FSIP2: variants seen among roughly 807,000 people sequenced by gnomAD.
FSIP2 encodes fibrous sheath interacting protein 2, also known as fibrous sheath-interacting protein 2.
In FSIP2, 367 loss-of-function variants were observed where a neutral mutation model predicts 510.5. The observed-to-expected ratio is 0.72, with a 90% CI of 0.66 to 0.78. FSIP2 has a LOEUF of 0.78. FSIP2 is among the 30% of genes least tolerant of loss of function. The pLI, the probability that FSIP2 is intolerant of heterozygous loss-of-function variation, is 0.00. For missense variants in FSIP2, 7,594 were observed against 7,901.7 expected, an observed-to-expected ratio of 0.96 and a Z score of 1.48; for synonymous variants, 2,601 against 2,732.2, an observed-to-expected ratio of 0.95 and a Z score of 1.50.
In FSIP2 at chr2:185,802,986, A is replaced by T; in HGVS notation, c.13680A>T (p.Ser4560=). Residue 4560 remains serine (S), a synonymous_variant, in exon 17 of 23, where the codon TCA becomes TCT. Coordinates refer to ENST00000424728, the MANE Select transcript of FSIP2 (RefSeq NM_173651.4). ...NVVQTSGSQE[S]AVQNITSSND... ...TGCAAACCTCTGGTTCTCAAGAATC[A>T]GCTGTGCAAAATATCACAAGCAGTA... 2.0e-6 allele frequency: 3 copies of T among 1,531,260 alleles called. No individual in the cohort carries two copies. The highest frequency in any genetic ancestry group is 1.7e-6 in the Non-Finnish European group (2 of 1,144,352). The allele number at this position is 1,531,260 out of a possible 1,614,324, so 94.9% of individuals were successfully genotyped here. A position where few individuals can be genotyped will look rare whatever the true frequency, so the allele number is the denominator to read the frequency against.
Position 185,808,377 on chromosome 2 carries a change from T to G in FSIP2, c.19071T>G (p.Ala6357=). Residue 6357 remains alanine (A), a synonymous_variant, in exon 17 of 23, where the codon GCT becomes GCG. Transcript: ENST00000424728. ...AAGAGGTGTTGGCCTTGTTCTTGGC[T>G]AAACTAATAAGGTTGCCAAGTTCCT... ...LLEEVLALFL[A]KLIRLPSSSS... 6.2e-7 allele frequency: 1 copy of G among 1,611,290 alleles called. No individual in the cohort carries two copies.
At chr2:185,759,476 T>A (rs1692306626) in intron 9 of FSIP2, among the ~76,000 whole-genome samples, 3 of 144,468 alleles carry the variant, frequency 2.1e-5, no homozygotes, top group Non-Finnish European at 3.0e-5. Flanking sequence ...CAGAAATATA[T>A]ATTCACATAT....
At chr2:185,810,627 G>A (rs1693707756) in intron 17 of FSIP2, among the ~76,000 whole-genome samples, 1 of 148,090 alleles carries the variant, frequency 6.8e-6, no homozygotes, top group African/African-American at 2.5e-5. Flanking sequence ...ACAGAAAATT[G>A]GTACCAAGGA....
In FSIP2 at chr2:185,808,543, G is replaced by C; in HGVS notation, c.19237G>C (p.Glu6413Gln). The change falls in exon 17 of 23, where the codon GAA becomes CAA. Residue 6413 changes from glutamate to glutamine, a missense_variant. Coordinates refer to ENST00000424728, the MANE Select transcript of FSIP2 (RefSeq NM_173651.4). Reference protein sequence around the residue: ...SDPEEHCLNPENTERIYQVVD... With the variant: ...SDPEEHCLNPQNTERIYQVVD... The stretch of plus-strand genomic sequence containing the variant: ...TCCTGAAGAGCACTGTTTAAATCCA[G>C]AAAATACAGAAAGGATTTATCAGGT... 1 of 1,612,466 alleles carries C rather than the reference G, an allele frequency of 6.2e-7. No homozygotes were observed. The highest frequency in any genetic ancestry group is 8.5e-7 in the Non-Finnish European group (1 of 1,179,298).
chr2:185,814,549 A>G (rs774225674), intron 18 of FSIP2, among the ~76,000 whole-genome samples: 14 of 152,020 alleles, frequency 9.2e-5, no homozygotes, highest in Non-Finnish European at 1.9e-4. Flanking sequence ...TAATTCATAT[A>G]TTTTAAATAT....
At chr2:185,825,210 GA>G in intron 20 of FSIP2, among the ~76,000 whole-genome samples, 1 of 151,904 alleles carries the variant, frequency 6.6e-6, no homozygotes, top group Non-Finnish European at 1.5e-5. Flanking sequence ...AAGTATGCCA[GA>G]ATTCTGTGAA....
intron 19 of FSIP2, among the ~76,000 whole-genome samples, chr2:185,820,072 A>G (rs1302240019): frequency 1.3e-5 from 2 of 151,930 alleles, no homozygotes; most frequent in East Asian, 1.9e-4. Flanking sequence ...TGGTTTGGCT[A>G]TGTCCCCACC....
At position 185,807,911 on chromosome 2, in the gene FSIP2, C is replaced by G; in HGVS notation, c.18605C>G (p.Thr6202Arg). ...TTTCCAAAAGTACATAAAGAAAGAA[C>G]AAAATCTCTAGAGACTGATATGCAA... Reference protein sequence around the residue: ...SIFPKVHKERTKSLETDMQKI... With the variant: ...SIFPKVHKERRKSLETDMQKI... The change falls in exon 17 of 23, where the codon ACA becomes AGA. Residue 6202 changes from threonine (T) to arginine (R), a missense_variant. Coordinates refer to ENST00000424728, the MANE Select transcript of FSIP2 (RefSeq NM_173651.4). The G allele has an allele frequency of 6.2e-7, 1 of 1,601,420 alleles. No individual in the cohort carries two copies. The highest frequency in any genetic ancestry group is 1.1e-5 in the South Asian group (1 of 88,496).
intron 7 of FSIP2, among the ~76,000 whole-genome samples, chr2:185,753,292 G>C (rs1290791057): frequency 6.6e-6 from 1 of 151,200 alleles, no homozygotes; most frequent in Non-Finnish European, 1.5e-5. Flanking sequence ...GATTTATCTT[G>C]TTTCTAGTGC....
rs1693476756 is a variant in FSIP2 at position 185,803,045 on chromosome 2, T to A, written c.13739T>A (p.Ile4580Asn). 2 of 1,521,004 alleles carry A rather than the reference T, an allele frequency of 1.3e-6. No individual in the cohort carries two copies. 94.2% of individuals were successfully genotyped at this position (1,521,004 alleles called of 1,614,324 possible). A position where few individuals can be genotyped will look rare whatever the true frequency, so the allele number is the denominator to read the frequency against. Residue 4580 changes from isoleucine (I) to asparagine (N), a missense_variant, in exon 17 of 23, where the codon ATC becomes AAC. Transcript: ENST00000424728. ...DILIDRIAGF[I>N]IKHICQKHLQ... ...CTTATAGATAGAATAGCAGGTTTCATCATTAAACATATCTGTCAAAAACAT... is the reference window on the plus strand; with the variant it reads ...CTTATAGATAGAATAGCAGGTTTCAACATTAAACATATCTGTCAAAAACAT...
Position 185,802,046 on chromosome 2 carries a change from C to A in FSIP2, c.12740C>A (p.Ala4247Asp). Reference sequence around the variant, plus strand: ...AGCCCAATTATGATTGACCAAATAGCCAGCTTTATCATCCAAGAGATTATC... The same window carrying A: ...AGCCCAATTATGATTGACCAAATAGACAGCTTTATCATCCAAGAGATTATC... ...SRSPIMIDQIASFIIQEIIEN... is the reference protein window; with the variant it reads ...SRSPIMIDQIDSFIIQEIIEN... The change falls in exon 17 of 23, where the codon GCC (alanine) becomes GAC (aspartate). Residue 4247 changes from alanine to aspartate, a missense_variant. Ala to Asp is a moderately radical substitution (Grantham distance 126). Transcript: ENST00000424728. 6.5e-7 allele frequency: 1 copy of A among 1,531,914 alleles called. No individual in the cohort carries two copies. The highest frequency in any genetic ancestry group is 8.7e-7 in the Non-Finnish European group (1 of 1,144,716). 94.9% of individuals were successfully genotyped at this position (1,531,914 alleles called of 1,614,324 possible). A position where few individuals can be genotyped will look rare whatever the true frequency, so the allele number is the denominator to read the frequency against.
chr2:185,758,599 A>G (rs1253733761), intron 9 of FSIP2, among the ~76,000 whole-genome samples: 1 of 151,134 alleles, frequency 6.6e-6, no homozygotes, highest in East Asian at 1.9e-4. Flanking sequence ...CATTGTCTTC[A>G]TGTTGTAACA....
rs1274988263 is a variant in FSIP2, at chr2:185,791,023, C to A, written c.3887C>A (p.Ala1296Asp). ...SLRSQLSKYTAKIVNIVLCAI... is the reference protein window; with the variant it reads ...SLRSQLSKYTDKIVNIVLCAI... Reference sequence around the variant, plus strand: ...CGATCTCAACTTAGTAAGTACACAGCTAAAATAGTAAACATTGTTTTATGT... The same window carrying A: ...CGATCTCAACTTAGTAAGTACACAGATAAAATAGTAAACATTGTTTTATGT... The change falls in exon 16 of 23, where the codon GCT becomes GAT. Residue 1296 changes from alanine (A) to aspartate (D), a missense_variant. Ala to Asp is a moderately radical substitution (Grantham distance 126). Transcript: ENST00000424728. 6.5e-7 allele frequency: 1 copy of A among 1,531,342 alleles called. No individual in the cohort carries two copies. Among genetic ancestry groups the A allele is most frequent in the East Asian group, 2.5e-5 (1 of 40,794 alleles). 94.9% of individuals were successfully genotyped at this position (1,531,342 alleles called of 1,614,324 possible).
In FSIP2 at chr2:185,800,311, C is replaced by G; in HGVS notation, c.11005C>G (p.Gln3669Glu). 2.6e-6 allele frequency: 4 copies of G among 1,531,592 alleles called. No homozygotes were observed. The highest frequency in any genetic ancestry group is 3.5e-6 in the Non-Finnish European group (4 of 1,144,942). 94.9% of individuals were successfully genotyped at this position (1,531,592 alleles called of 1,614,324 possible). The change falls in exon 17 of 23, where the codon CAA becomes GAA. Residue 3669 changes from glutamine to glutamate, a missense_variant. By Grantham distance (29) the Gln-to-Glu change is conservative. Coordinates refer to ENST00000424728, the MANE Select transcript of FSIP2 (RefSeq NM_173651.4). ...TACTCAACAAATTGGTCAACTTTTTCAAAAAAATAAGTTAAGTTATCTTGC... is the reference window on the plus strand; with the variant it reads ...TACTCAACAAATTGGTCAACTTTTTGAAAAAAATAAGTTAAGTTATCTTGC... ...FSTQQIGQLF[Q>E]KNKLSYLACK...
chr2:185,809,139 T>A lies in FSIP2; in HGVS notation c.19827+6T>A. The A allele has an allele frequency of 6.5e-7, 1 of 1,534,744 alleles. No individual in the cohort carries two copies. The highest frequency in any genetic ancestry group is 1.3e-5 in the South Asian group (1 of 76,616). ...TGGATGTAAAACCCCTAGAGGTAAG[T>A]GCAAAAGCAATGGCATGAAAATGAG... is the stretch of plus-strand genomic sequence containing the variant. On this transcript the variant is annotated splice_donor_region_variant and intron_variant, in intron 17 of 22. Coordinates refer to ENST00000424728, the MANE Select transcript of FSIP2 (RefSeq NM_173651.4).
intron 19 of FSIP2, among the ~76,000 whole-genome samples, chr2:185,817,084 A>G (rs145914279): frequency 4.6e-5 from 7 of 152,102 alleles, no homozygotes; most frequent in Non-Finnish European, 8.8e-5. Flanking sequence ...AAAATCTGTG[A>G]AGTTTAACTT....
rs1574192635 is a variant in FSIP2, at chr2:185,800,753, T to C, written c.11447T>C (p.Val3816Ala). ...GGAATGGACTGTGAATGCCTTCAAG[T>C]AGATTACATGTCAGACCTTTTGGAG... Reference protein sequence around the residue: ...KGGMDCECLQVDYMSDLLENV... With the variant: ...KGGMDCECLQADYMSDLLENV... Residue 3816 changes from valine (V) to alanine (A), a missense_variant, in exon 17 of 23, where the codon GTA (valine) becomes GCA (alanine). Val to Ala is a moderately conservative substitution (Grantham distance 64). Coordinates refer to ENST00000424728, the MANE Select transcript of FSIP2 (RefSeq NM_173651.4). 2.0e-6 allele frequency: 3 copies of C among 1,533,976 alleles called. No homozygotes were observed. The highest frequency in any genetic ancestry group is 1.2e-5 in the South Asian group (1 of 83,894).
At position 185,805,343 on chromosome 2, in the gene FSIP2, A is replaced by T; in HGVS notation, c.16037A>T (p.Glu5346Val). ...TTTTCTTTTCCACCAATTGATAAAG[A>T]GACAGTTGATAAAATATCCAATTTT... ...KMFSFPPIDK[E>V]TVDKISNFVY... Residue 5346 changes from glutamate to valine, a missense_variant, in exon 17 of 23, where the codon GAG (glutamate) becomes GTG (valine). By Grantham distance (121) the Glu-to-Val change is moderately radical (BLOSUM62 -2). Transcript: ENST00000424728. 6.3e-7 allele frequency: 1 copy of T among 1,598,942 alleles called. No homozygotes were observed. The highest frequency in any genetic ancestry group is 8.5e-7 in the Non-Finnish European group (1 of 1,174,410).
chr2:185,778,114 A>AT, intron 13 of FSIP2, among the ~76,000 whole-genome samples: 1 of 152,084 alleles, frequency 6.6e-6, no homozygotes, highest in African/African-American at 2.4e-5. Flanking sequence ...AAATTTTCAG[A>AT]TATATTTGCA....
Sources: allele counts gnomAD v4.1 joint callset (sites outside exome capture counted in the v4.1 genomes callset), GRCh38; gene constraint gnomAD v4.1.1; transcripts MANE v1.5; gene names NCBI Gene and HGNC (gene_info 2026-07-23, HGNC 2026-07-21).